NVL: variants seen among roughly 807,000 people sequenced by gnomAD.
NVL encodes nuclear valosin-containing protein-like.
NVL carries 84 observed loss-of-function variants against 110.2 expected under a neutral mutation model. The observed-to-expected ratio is 0.76, with a 90% CI of 0.64 to 0.91. The LOEUF is 0.91. Ranked by LOEUF, NVL falls within the 40% of genes least tolerant of loss-of-function variation. The probability of loss-of-function intolerance (pLI) is 0.00; values close to 1 mark genes in which losing one functional copy is unlikely to be tolerated. For missense variants in NVL, 882 were observed against 1,035.9 expected, an observed-to-expected ratio of 0.85 and a Z score of 2.04; for synonymous variants, 354 against 361.1, an observed-to-expected ratio of 0.98 and a Z score of 0.22.
chr1:224,321,297 C>T (rs1246530257), intron 2 of NVL, among the ~76,000 whole-genome samples: 4 of 152,072 alleles, frequency 2.6e-5, no homozygotes, highest in African/African-American at 4.8e-5. Context: ...GAAAGAAAGA[C>T]GTAAAAGCGA....
Position 224,287,883 on chromosome 1 carries a change from T to C in NVL, c.1686A>G (p.Ser562=), listed in dbSNP as rs777485755. ...ELNDFIVALS[S]VQPSAKREGF... The stretch of plus-strand genomic sequence containing the variant: ...CTTCCCTTTTGGCAGAGGGTTGGAC[T>C]GAGGATAGAGCAACAATGAAATCAT... Residue 562 remains serine (S), a synonymous_variant, in exon 14 of 23, where the codon TCA becomes TCG. Transcript: ENST00000281701. 4 of 1,614,176 alleles carry C rather than the reference T, an allele frequency of 2.5e-6. No individual in the cohort carries two copies. In the South Asian group the frequency reaches 3.3e-5, roughly 13 times the overall value.
chr1:224,273,332 G>A (rs1665389198), intron 17 of NVL, among the ~76,000 whole-genome samples: 1 of 151,670 alleles, frequency 6.6e-6, no homozygotes, highest in Non-Finnish European at 1.5e-5. Context: ...AAAATCGCTT[G>A]AACCTGGGAG....
At chr1:224,321,194 G>A (rs959482194) in intron 2 of NVL, among the ~76,000 whole-genome samples, 3 of 152,198 alleles carry the variant, frequency 2.0e-5, no homozygotes, top group Non-Finnish European at 4.4e-5. Context: ...GCAGTGAGCC[G>A]AGATTGAGCC....
intron 2 of NVL, among the ~76,000 whole-genome samples, chr1:224,325,369 C>T (rs1461454438): frequency 6.6e-6 from 1 of 151,254 alleles, no homozygotes; most frequent in Non-Finnish European, 1.5e-5. Flanking sequence ...GTCAGGTGTT[C>T]CAGACCAACC....
At chr1:224,323,556 G>C (rs1477813082) in intron 2 of NVL, among the ~76,000 whole-genome samples, 2 of 152,224 alleles carry the variant, frequency 1.3e-5, no homozygotes, top group Non-Finnish European at 2.9e-5. Context: ...AAGGGACCGA[G>C]ATGGGGACAA....
chr1:224,330,159 G>C lies in NVL; in HGVS notation c.-32C>G. ...GGTCTTCCAAGCCACAGCTCGGACC[G>C]CCAGCTCCTAGTCAACCGGGGGCCT... On this transcript the variant is annotated 5_prime_UTR_variant, in exon 1 of 23. Coordinates refer to ENST00000281701, the MANE Select transcript of NVL (RefSeq NM_002533.4). The C allele has an allele frequency of 6.2e-7, 1 of 1,611,484 alleles. No individual in the cohort carries two copies. Among genetic ancestry groups the C allele is most frequent in the Non-Finnish European group, 8.5e-7 (1 of 1,177,692 alleles).
At chr1:224,236,470 CCA>C (rs1404811273) in intron 20 of NVL, 34 bp downstream of exon 20, 1 of 1,520,922 alleles carries the variant, frequency 6.6e-7, no homozygotes, top group Non-Finnish European at 9.1e-7. Context: ...AAATTGAACC[CCA>C]GAGAGTGAAT....
intron 9 of NVL, 103 bp downstream of exon 9, chr1:224,303,620 C>A: frequency 8.3e-7 from 1 of 1,205,836 alleles, no homozygotes. Context: ...ATGTTCTCTT[C>A]CTGAAGAATG....
At chr1:224,285,555 T>C (rs1442527246) in intron 15 of NVL, among the ~76,000 whole-genome samples, 4 of 152,168 alleles carry the variant, frequency 2.6e-5, no homozygotes, top group African/African-American at 9.7e-5. Flanking sequence ...GACAATGAAA[T>C]GAAATAATAG....
chr1:224,275,334 C>T lies in NVL; in HGVS notation c.2082+5G>A, dbSNP rs1332106878. 31 of 1,614,018 alleles carry T rather than the reference C, an allele frequency of 1.9e-5. No homozygotes were observed. The highest frequency in any genetic ancestry group is 2.7e-5 in the African/African-American group (2 of 74,930). On this transcript the variant is annotated splice_donor_5th_base_variant and intron_variant, in intron 17 of 22. Transcript: ENST00000281701. The stretch of plus-strand genomic sequence containing the variant: ...ATCTGAAAACCACTAGTCCATGATA[C>T]TTACCTCTCGGTCTGATCTTCGAGG...
chr1:224,268,103 G>A lies in NVL; in HGVS notation c.2113C>T (p.Leu705=), dbSNP rs1441481997. 6.2e-7 allele frequency: 1 copy of A among 1,613,858 alleles called. No individual in the cohort carries two copies. Among genetic ancestry groups the A allele is most frequent in the Non-Finnish European group, 8.5e-7 (1 of 1,179,880 alleles). The part of the protein sequence containing the change: ...TGASVRVVNQ[L]LTEMDGLEAR... The stretch of plus-strand genomic sequence containing the variant: ...TCCAGACCATCCATCTCTGTAAGTA[G>A]CTGATTCACCACTCGGACACTTGCC... Residue 705 remains leucine (L), a synonymous_variant, in exon 18 of 23, where the codon CTA becomes TTA. Coordinates refer to ENST00000281701, the MANE Select transcript of NVL (RefSeq NM_002533.4).
intron 22 of NVL, 91 bp downstream of exon 22, chr1:224,231,132 CAAA>C (rs140419434): frequency 2.2e-3 from 1,394 of 648,246 alleles, no homozygotes; most frequent in East Asian, 2.4e-3. Context: ...GACTCCGTCT[CAAA>C]AAAAAAAAAA....
intron 19 of NVL, 96 bp downstream of exon 19, chr1:224,250,116 G>T (rs1571826870): frequency 7.9e-7 from 1 of 1,259,044 alleles, no homozygotes; most frequent in Non-Finnish European, 1.1e-6. Context: ...CTACAGAAAA[G>T]AAAGTAATCA....
chr1:224,257,173 C>T (rs780655697), intron 18 of NVL: 4 of 506,556 alleles, frequency 7.9e-6, no homozygotes, highest in African/African-American at 2.0e-5. Context: ...ATGGCACTAA[C>T]AATCCCAGCA....
At chr1:224,320,938 C>T (rs1409493145) in intron 2 of NVL, among the ~76,000 whole-genome samples, 3 of 152,090 alleles carry the variant, frequency 2.0e-5, no homozygotes, top group Admixed American at 2.0e-4. Context: ...AAATATTGTA[C>T]TAAATCATGA....
Position 224,286,061 on chromosome 1 carries a change from C to T in NVL, c.1864G>A (p.Gly622Ser). 1 of 1,614,026 alleles carries T rather than the reference C, an allele frequency of 6.2e-7. No homozygotes were observed. The highest frequency in any genetic ancestry group is 8.5e-7 in the Non-Finnish European group (1 of 1,179,974). ...LVTPAGVLLAGPPGCGKTLLA... is the reference protein window; with the variant it reads ...LVTPAGVLLASPPGCGKTLLA... ...AGAGTCTTCCCACAGCCAGGAGGAC[C>T]AGCAAGGAGGACCCCAGCTGGAGTC... Residue 622 changes from glycine to serine, a missense_variant, in exon 15 of 23, where the codon GGT becomes AGT. Physicochemically the swap from Gly to Ser is moderately conservative, Grantham distance 56. This residue lies in a region of NVL where 416 missense variants were observed against 499.3 expected (regional missense o/e 0.83). Coordinates refer to ENST00000281701, the MANE Select transcript of NVL (RefSeq NM_002533.4).
intron 12 of NVL, among the ~76,000 whole-genome samples, chr1:224,293,869 A>G (rs1008640327): frequency 5.3e-5 from 8 of 152,212 alleles, no homozygotes; most frequent in African/African-American, 1.4e-4. Flanking sequence ...GTTGGAGCAC[A>G]GTGACACAAT....
intron 18 of NVL, among the ~76,000 whole-genome samples, chr1:224,256,227 C>A (rs1322020401): frequency 3.9e-5 from 6 of 152,006 alleles, no homozygotes; most frequent in Admixed American, 3.9e-4. Flanking sequence ...GAGTTCGAGA[C>A]CAGCTTGGCC....
chr1:224,311,248 A>T (rs1421886339), intron 5 of NVL, among the ~76,000 whole-genome samples: 3 of 150,548 alleles, frequency 2.0e-5, no homozygotes, highest in Admixed American at 1.3e-4. Flanking sequence ...TTTGGTAGAG[A>T]TGGGGTTGTG....
Sources: gnomAD v4.1 joint callset for allele counts (sites outside exome capture counted in the v4.1 genomes callset) on GRCh38, gnomAD v4.1.1 for gene constraint, gnomAD v4.1.1 regional missense constraint, MANE v1.5 for transcripts, NCBI Gene and HGNC (gene_info 2026-07-23, HGNC 2026-07-21) for gene names.